Variants in RAD23B observed in about 807,000 individuals in gnomAD.
RAD23B encodes the protein lysine-specific demethylase RAD23B.
A neutral mutation model predicts 49.1 loss-of-function variants in RAD23B; 5 were observed. The observed-to-expected ratio is 0.10, with a 90% CI of 0.05 to 0.21. RAD23B has a LOEUF of 0.21. Ranked by LOEUF, RAD23B falls within the 10% of genes least tolerant of loss-of-function variation. The pLI is 1.00. For missense variants in RAD23B, 356 were observed against 486.7 expected (o/e 0.73, Z 2.53); for synonymous variants, 184 against 165.4 (o/e 1.11, Z -0.86).
Position 107,329,611 on chromosome 9 carries a change from T to C in RAD23B, c.1185T>C (p.Asn395=). 1.2e-6 allele frequency: 2 copies of C among 1,613,490 alleles called. No individual in the cohort carries two copies. The highest frequency in any genetic ancestry group is 4.5e-5 in the East Asian group (2 of 44,860). The change falls in exon 10 of 10, where the codon AAT becomes AAC. Residue 395 remains asparagine (N), a synonymous_variant. Coordinates refer to ENST00000358015, the MANE Select transcript of RAD23B (RefSeq NM_002874.5). Reference sequence around the variant, plus strand: ...ATTTTGCTTGTGAGAAGAATGAGAATTTGGCTGCCAATTTTCTTCTACAGC... The same window carrying C: ...ATTTTGCTTGTGAGAAGAATGAGAACTTGGCTGCCAATTTTCTTCTACAGC... ...QAYFACEKNE[N]LAANFLLQQN... is the part of the protein sequence containing the mutation.
At chr9:107,320,117 C>T (rs985993054) in intron 6 of RAD23B, among the ~76,000 whole-genome samples, 2 of 152,216 alleles carry the variant, frequency 1.3e-5, no homozygotes, top group African/African-American at 4.8e-5. Flanking sequence ...CTGCCTCCAC[C>T]ATTTATTTGC....
intron 9 of RAD23B, among the ~76,000 whole-genome samples, 170 bp from the exon 10 acceptor site, chr9:107,329,373 T>C (rs567906788): frequency 6.6e-6 from 1 of 152,324 alleles, no homozygotes; most frequent in Admixed American, 6.5e-5. Flanking sequence ...AGTAAATCCA[T>C]ATTGATAGAG....
chr9:107,328,383 G>A (rs1408039075), intron 9 of RAD23B, among the ~76,000 whole-genome samples: 4 of 151,988 alleles, frequency 2.6e-5, no homozygotes, highest in Non-Finnish European at 5.9e-5. Flanking sequence ...TTCCACCTCC[G>A]ATCATCAGGC....
At chr9:107,322,184 T>A in intron 7 of RAD23B, 66 bp downstream of exon 7, 1 of 1,468,638 alleles carries the variant, frequency 6.8e-7, no homozygotes, top group Non-Finnish European at 9.2e-7. Flanking sequence ...TAATTTAACC[T>A]GAAATACTTC....
chr9:107,315,596 C>T (rs1826976291), intron 5 of RAD23B, among the ~76,000 whole-genome samples: 1 of 152,146 alleles, frequency 6.6e-6, no homozygotes, highest in African/African-American at 2.4e-5. Context: ...TCACTGCAAC[C>T]TCCGCCTCTT....
intron 1 of RAD23B, chr9:107,283,987 C>T (rs1346151989): frequency 1.4e-5 from 15 of 1,106,296 alleles, no homozygotes; most frequent in Middle Eastern, 3.8e-4. Flanking sequence ...CTAGCGGGGC[C>T]GGAGGGGGAT....
In RAD23B at chr9:107,331,395, TG is replaced by T; in HGVS notation, c.*1742del. On this transcript the variant is annotated 3_prime_UTR_variant, in exon 10 of 10. Coordinates refer to ENST00000358015, the MANE Select transcript of RAD23B (RefSeq NM_002874.5). The stretch of plus-strand genomic sequence containing the variant: ...GCGCACGCCTGTGGTCCCAGCTACT[TG>T]GGAGGCTGAGGCATGAGAATTGCTT... 1 of 325,970 alleles carries T rather than the reference TG, an allele frequency of 3.1e-6. No homozygotes were observed. 20.2% of individuals were successfully genotyped at this position (325,970 alleles called of 1,614,324 possible).
intron 9 of RAD23B, among the ~76,000 whole-genome samples, chr9:107,328,755 G>C (rs1827256576): frequency 6.6e-6 from 1 of 152,212 alleles, no homozygotes; most frequent in South Asian, 2.1e-4. Flanking sequence ...TCACGGTCTT[G>C]GGGTTTGGGA....
At chr9:107,324,167 A>G in intron 8 of RAD23B, 150 bp downstream of exon 8, 4 of 941,110 alleles carry the variant, frequency 4.3e-6, no homozygotes, top group East Asian at 5.4e-5. Flanking sequence ...TGTAATCTAG[A>G]TAGGTGTACT....
intron 8 of RAD23B, 123 bp from the exon 9 acceptor site, chr9:107,324,711 A>G: frequency 2.0e-6 from 2 of 988,672 alleles, no homozygotes; most frequent in Non-Finnish European, 1.4e-6. Flanking sequence ...TGAATAATCC[A>G]GAATCACTAA....
Position 107,295,243 on chromosome 9 carries a change from G to T in RAD23B, c.67-4898G>T, listed in dbSNP as rs576909651. Among the ~76,000 whole-genome samples the T allele has an allele frequency of 4.0e-5, 6 of 151,226 alleles. No homozygotes were observed. In the East Asian group the frequency reaches 7.7e-4, roughly 20 times the overall value. ...TTAAGTTTTTGAAGAATTAGATTGTGGGGGGAGAGAGTCTAGGAGGAGACG... is the reference window on the plus strand; with the variant it reads ...TTAAGTTTTTGAAGAATTAGATTGTTGGGGGAGAGAGTCTAGGAGGAGACG... On this transcript the variant is annotated intron_variant, in intron 1 of 9. Transcript: ENST00000358015.
intron 5 of RAD23B, among the ~76,000 whole-genome samples, chr9:107,315,822 C>G (rs1826981360): frequency 6.6e-6 from 1 of 151,824 alleles, no homozygotes; most frequent in Non-Finnish European, 1.5e-5. Flanking sequence ...CTCTCTAGTT[C>G]TTTTTACAAG....
intron 3 of RAD23B, among the ~76,000 whole-genome samples, chr9:107,305,535 C>T (rs1826744480): frequency 1.3e-5 from 2 of 152,114 alleles, no homozygotes; most frequent in Non-Finnish European, 2.9e-5. Context: ...CAGTGCAGTT[C>T]AAACCCTTGT....
In RAD23B at chr9:107,287,566, A is replaced by G. The variant is rs76181849; in HGVS notation, c.66+3871A>G. ...GGTTTACCTCTATAATGTGATTGTT[A>G]TAAAATACTGCTTTACCCAGCACCT... On this transcript the variant is annotated intron_variant, in intron 1 of 9. Coordinates refer to ENST00000358015, the MANE Select transcript of RAD23B (RefSeq NM_002874.5). 7.0e-4 allele frequency among the ~76,000 whole-genome samples: 107 copies of G among 152,286 alleles called. 1 individual carries two copies. In the East Asian group the frequency reaches 0.02, roughly 29 times the overall value.
At chr9:107,292,592 A>C (rs1833403770) in intron 1 of RAD23B, among the ~76,000 whole-genome samples, 1 of 150,876 alleles carries the variant, frequency 6.6e-6, no homozygotes. Context: ...AGGCAGGAGA[A>C]TCGCTTGAAC....
At chr9:107,302,369 G>A (rs11573667) in intron 3 of RAD23B, among the ~76,000 whole-genome samples, 4,860 of 152,096 alleles carry the variant, frequency 0.032, 241 homozygotes, top group African/African-American at 0.11. Flanking sequence ...AAAATGTCAT[G>A]TTAAAATTAT....
In RAD23B at chr9:107,324,184, A is replaced by G. The variant is rs1289569983; in HGVS notation, c.945+167A>G. Among the ~76,000 whole-genome samples, 6 of 152,234 alleles carry G rather than the reference A, an allele frequency of 3.9e-5. No individual in the cohort carries two copies. The South Asian group carries it at 1.2e-3, about 31-fold the overall frequency. ...TAATCTAGATAGGTGTACTAAAAAA[A>G]CAGTTGGGATATGGAGGTTGGGTTA... On this transcript the variant is annotated intron_variant, in intron 8 of 9. Coordinates refer to ENST00000358015, the MANE Select transcript of RAD23B (RefSeq NM_002874.5).
rs1261091138 is a variant in RAD23B at position 107,288,142 on chromosome 9, T to C, written c.66+4447T>C. On this transcript the variant is annotated intron_variant, in intron 1 of 9. Transcript: ENST00000358015. ...CATTTTTGCCAGACTTTTGCTGTTT[T>C]GATGCCGTGCACACAGTAGGCATTT... is the stretch of plus-strand genomic sequence containing the variant. Among the ~76,000 whole-genome samples, 43 of 152,216 alleles carry C rather than the reference T, an allele frequency of 2.8e-4. 1 individual carries two copies. Among genetic ancestry groups the C allele is most frequent in the Admixed American group, 2.8e-3 (43 of 15,284 alleles).
intron 1 of RAD23B, among the ~76,000 whole-genome samples, chr9:107,296,521 A>G (rs116823246): frequency 0.016 from 2,392 of 151,114 alleles, 67 homozygotes; most frequent in African/African-American, 0.055. Context: ...CATTTGTCCA[A>G]TTTTTTTATT....
Sources: allele counts gnomAD v4.1 joint callset (sites outside exome capture counted in the v4.1 genomes callset), GRCh38; gene constraint gnomAD v4.1.1; transcripts MANE v1.5; gene names NCBI Gene and HGNC (gene_info 2026-07-23, HGNC 2026-07-21).